EML6: variants seen among roughly 807,000 people sequenced by gnomAD.
The protein encoded by EML6 is EMAP like 6, also known as echinoderm microtubule-associated protein-like 6.
EML6 carries 154 observed loss-of-function variants against 240.1 expected under a neutral mutation model. The ratio of observed to expected loss-of-function variants is 0.64; its 90% CI spans 0.56 to 0.73. The LOEUF is 0.73. Among genes scored for constraint, EML6 ranks in the 30% least tolerant of loss-of-function variants. The pLI is 0.00. For missense variants in EML6, 2,964 were observed against 2,474.6 expected, an observed-to-expected ratio of 1.20 and a Z score of -4.20; for synonymous variants, 1,148 against 899.0, an observed-to-expected ratio of 1.28 and a Z score of -4.95.
intron 28 of EML6, among the ~76,000 whole-genome samples, chr2:54,939,377 T>C: frequency 6.6e-6 from 1 of 152,176 alleles, no homozygotes. Context: ...GCAGGGAATG[T>C]GTGATAGTGG....
intron 2 of EML6, among the ~76,000 whole-genome samples, chr2:54,780,165 T>C (rs1668790830): frequency 6.6e-6 from 1 of 152,152 alleles, no homozygotes; most frequent in Non-Finnish European, 1.5e-5. Flanking sequence ...TCGTTTACAG[T>C]TTTTTACTAT....
chr2:54,740,297 G>A (rs1038908505), intron 2 of EML6, among the ~76,000 whole-genome samples: 55 of 152,112 alleles, frequency 3.6e-4, no homozygotes, highest in African/African-American at 1.2e-3. Context: ...AGATAAAGGG[G>A]TACTTATGAA....
chr2:54,806,170 C>A (rs1373882545), intron 2 of EML6, among the ~76,000 whole-genome samples: 1 of 151,914 alleles, frequency 6.6e-6, no homozygotes, highest in African/African-American at 2.4e-5. Context: ...TATTTTAGAT[C>A]TTTTCTCCTT....
intron 2 of EML6, among the ~76,000 whole-genome samples, chr2:54,798,394 G>A (rs563665085): frequency 1.3e-5 from 2 of 152,140 alleles, no homozygotes; most frequent in South Asian, 4.2e-4. Flanking sequence ...AGGCTGGTCT[G>A]GAACTCCTGA....
At chr2:54,796,400 A>G (rs1251359927) in intron 2 of EML6, among the ~76,000 whole-genome samples, 1 of 152,214 alleles carries the variant, frequency 6.6e-6, no homozygotes, top group Admixed American at 6.5e-5. Context: ...GGAAAATGAA[A>G]TATTCCCACT....
chr2:54,920,532 A>C (rs1674169209), intron 26 of EML6, among the ~76,000 whole-genome samples: 1 of 152,206 alleles, frequency 6.6e-6, no homozygotes. Context: ...CTCCCAGAAA[A>C]GGCCAAGACC....
intron 2 of EML6, among the ~76,000 whole-genome samples, chr2:54,789,924 C>G (rs1465424979): frequency 6.6e-6 from 1 of 152,136 alleles, no homozygotes; most frequent in African/African-American, 2.4e-5. Flanking sequence ...TTCTCTGGCT[C>G]TTGGACCCAA....
intron 38 of EML6, 46 bp from the exon 39 acceptor site, chr2:54,966,954 G>C: frequency 7.8e-7 from 1 of 1,281,598 alleles, no homozygotes; most frequent in Non-Finnish European, 1.1e-6. Context: ...GAGTCTGTGG[G>C]ACTGAGAAAG....
rs998896600 is a variant in EML6, at chr2:54,894,304, G to T, written c.2743-611G>T. 2.3e-4 allele frequency among the ~76,000 whole-genome samples: 35 copies of T among 151,704 alleles called. No individual in the cohort carries two copies. In the East Asian group the frequency reaches 6.4e-3, roughly 28 times the overall value. On this transcript the variant is annotated intron_variant, in intron 19 of 41. Coordinates refer to ENST00000356458, the MANE Select transcript of EML6 (RefSeq NM_001039753.4). ...ATTATAAGCTTAGAACAGGAATAAA[G>T]ATCACTGTTCAGTAAAAAATATCCA...
chr2:54,819,140 G>T (rs1668209978), intron 4 of EML6, among the ~76,000 whole-genome samples: 1 of 152,130 alleles, frequency 6.6e-6, no homozygotes, highest in African/African-American at 2.4e-5. Context: ...TGATCTTTCT[G>T]GGGACCATAA....
At position 54,903,070 on chromosome 2, in the gene EML6, G is replaced by C; in HGVS notation, c.3151G>C (p.Asp1051His). ...KGGRCCAFSPDGKALAVGLND... is the reference protein window; with the variant it reads ...KGGRCCAFSPHGKALAVGLND... The stretch of plus-strand genomic sequence containing the variant: ...TGGAAGATGCTGTGCCTTTTCCCCT[G>C]ATGGGAAAGCCTTAGCGGTTGGCTT... Residue 1051 changes from aspartate (D) to histidine (H), a missense_variant, in exon 23 of 42, where the codon GAT becomes CAT. By Grantham distance (81) the Asp-to-His change is moderately conservative. Transcript: ENST00000356458. The C allele has an allele frequency of 6.4e-7, 1 of 1,551,730 alleles. No homozygotes were observed. Among genetic ancestry groups the C allele is most frequent in the Non-Finnish European group, 8.7e-7 (1 of 1,146,976 alleles).
At chr2:54,794,752 C>G (rs1201729147) in intron 2 of EML6, among the ~76,000 whole-genome samples, 1 of 152,144 alleles carries the variant, frequency 6.6e-6, no homozygotes, top group East Asian at 1.9e-4. Context: ...AACAAGTGTT[C>G]AGCTTACAAA....
intron 16 of EML6, among the ~76,000 whole-genome samples, chr2:54,876,577 C>T (rs1044346545): frequency 3.3e-5 from 5 of 152,272 alleles, no homozygotes; most frequent in African/African-American, 1.2e-4. Flanking sequence ...TGTATTTGTG[C>T]TTGCATTCCA....
chr2:54,862,403 C>T (rs973318210), intron 12 of EML6, among the ~76,000 whole-genome samples: 14 of 113,682 alleles, frequency 1.2e-4, no homozygotes, highest in Non-Finnish European at 1.9e-4. Context: ...CTGAAAAATT[C>T]AATAGAGAGG....
chr2:54,950,634 G>A lies in EML6; in HGVS notation c.4084-16G>A, dbSNP rs769767243. 5.8e-6 allele frequency: 9 copies of A among 1,551,240 alleles called. No homozygotes were observed. Among genetic ancestry groups the A allele is most frequent in the Non-Finnish European group, 7.0e-6 (8 of 1,146,764 alleles). ...CTTCCTCTGAGGGTCACATTGATCTGTGTGTGTGAATGCAGGAGCTGGCTC... is the reference window on the plus strand; with the variant it reads ...CTTCCTCTGAGGGTCACATTGATCTATGTGTGTGAATGCAGGAGCTGGCTC... On this transcript the variant is annotated splice_polypyrimidine_tract_variant and intron_variant, in intron 29 of 41. Coordinates refer to ENST00000356458, the MANE Select transcript of EML6 (RefSeq NM_001039753.4).
intron 2 of EML6, among the ~76,000 whole-genome samples, chr2:54,789,340 C>A (rs192989703): frequency 0.011 from 1,674 of 149,130 alleles, 17 homozygotes; most frequent in Non-Finnish European, 0.02. Flanking sequence ...GGTGAAACCC[C>A]GTCTCTACTA....
At chr2:54,853,542 T>TTATTTTAAGTA in intron 10 of EML6, 101 bp from the exon 11 acceptor site, 1 of 787,508 alleles carries the variant, frequency 1.3e-6, no homozygotes, top group Admixed American at 3.5e-5. Context: ...TATGTAGTTT[T>TTATTTTAAGTA]CTGTATTTAC....
intron 16 of EML6, among the ~76,000 whole-genome samples, chr2:54,873,527 T>G (rs1367519618): frequency 6.6e-6 from 1 of 152,110 alleles, no homozygotes; most frequent in Admixed American, 6.5e-5. Flanking sequence ...GATAAAGCAG[T>G]GAAACCTAAA....
intron 2 of EML6, among the ~76,000 whole-genome samples, chr2:54,802,663 C>G (rs1004920771): frequency 2.1e-5 from 3 of 145,924 alleles, no homozygotes; most frequent in Admixed American, 6.8e-5. Flanking sequence ...ACTACTACTA[C>G]TACTGCTACT....
Sources: allele counts gnomAD v4.1 joint callset (sites outside exome capture counted in the v4.1 genomes callset), GRCh38; gene constraint gnomAD v4.1.1; transcripts MANE v1.5; gene names NCBI Gene and HGNC (gene_info 2026-07-23, HGNC 2026-07-21).